Variants in PKHD1 observed in about 807,000 individuals in gnomAD.
PKHD1 encodes the protein fibrocystin.
In PKHD1, 291 loss-of-function variants were observed where a neutral mutation model predicts 412.0. The observed-to-expected ratio is 0.71, with a 90% CI of 0.64 to 0.78. The LOEUF is 0.78. Among genes scored for constraint, PKHD1 ranks in the 30% least tolerant of loss-of-function variants. The probability of loss-of-function intolerance (pLI) is 0.00; values close to 1 mark genes in which losing one functional copy is unlikely to be tolerated. For synonymous variants in PKHD1, 1,777 were observed against 1,821.5 expected (o/e 0.98, Z 0.62); for missense variants, 4,825 against 4,950.7 (o/e 0.97, Z 0.76).
At chr6:51,627,807 T>C (rs2771016) in intron 65 of PKHD1, among the ~76,000 whole-genome samples, 6,509 of 152,186 alleles carry the variant, frequency 0.043, 236 homozygotes, top group African/African-American at 0.093. Flanking sequence ...TTCAGTCTAT[T>C]CCTGGCTGAA....
intron 31 of PKHD1, among the ~76,000 whole-genome samples, chr6:52,026,743 A>G (rs947176304): frequency 7.2e-5 from 11 of 152,214 alleles, no homozygotes; most frequent in Admixed American, 5.9e-4. Flanking sequence ...AGACATTAAA[A>G]GTCATTGAAT....
At chr6:51,823,290 G>A (rs755552302) in intron 52 of PKHD1, among the ~76,000 whole-genome samples, 174 of 151,956 alleles carry the variant, frequency 1.1e-3, no homozygotes, top group Admixed American at 2.9e-3. Flanking sequence ...AATAAAACCC[G>A]AGTCTCTTAT....
intron 35 of PKHD1, among the ~76,000 whole-genome samples, chr6:52,006,353 T>TTTA (rs1799051422): frequency 7.2e-6 from 1 of 139,312 alleles, no homozygotes; most frequent in Admixed American, 7.7e-5. Flanking sequence ...TGGTTTGTTT[T>TTTA]TTGTTGTTGT....
Position 51,916,741 on chromosome 6 carries a change from C to T in PKHD1, c.6122-4165G>A, listed in dbSNP as rs138387533. Among the ~76,000 whole-genome samples, 397 of 152,248 alleles carry T rather than the reference C, an allele frequency of 2.6e-3. 3 individuals are homozygous for T. The highest frequency in any genetic ancestry group is 9.1e-3 in the African/African-American group (380 of 41,552). On this transcript the variant is annotated intron_variant, in intron 37 of 66. Coordinates refer to ENST00000371117, the MANE Select transcript of PKHD1 (RefSeq NM_138694.4). ...ATTGAAACCCAGGTTGGGTAGCTCC[C>T]TTCCTTTCTGTACCACAAATCAAAA...
chr6:51,936,033 G>A (rs935173949), intron 36 of PKHD1, among the ~76,000 whole-genome samples: 2 of 152,014 alleles, frequency 1.3e-5, no homozygotes, highest in Admixed American at 6.6e-5. Flanking sequence ...TATATTTACA[G>A]GTTTATTTTC....
At chr6:51,847,718 G>T in intron 50 of PKHD1, 57 bp downstream of exon 50, 1 of 1,193,142 alleles carries the variant, frequency 8.4e-7, no homozygotes. Flanking sequence ...GAATTGAAGG[G>T]TGATTGGTGA....
Position 51,789,081 on chromosome 6 carries a change from C to T in PKHD1, c.8440+2155G>A, listed in dbSNP as rs141994596. ...AGATCCCACCTGGGAATAGTTCTTT[C>T]TCCCTGGCTTTCAGAGGAATTAAAC... On this transcript the variant is annotated intron_variant, in intron 53 of 66. Transcript: ENST00000371117. Among the ~76,000 whole-genome samples the T allele has an allele frequency of 2.5e-3, 382 of 152,266 alleles. 4 individuals are homozygous for T. Among genetic ancestry groups the T allele is most frequent in the African/African-American group, 8.7e-3 (363 of 41,568 alleles).
chr6:51,927,663 G>C (rs1246332929), intron 37 of PKHD1, among the ~76,000 whole-genome samples: 1 of 152,194 alleles, frequency 6.6e-6, no homozygotes, highest in East Asian at 1.9e-4. Context: ...TCTTTTCCCA[G>C]GTGGAATGTC....
At chr6:51,712,140 C>T (rs544361778) in intron 60 of PKHD1, among the ~76,000 whole-genome samples, 36 of 152,320 alleles carry the variant, frequency 2.4e-4, no homozygotes, top group South Asian at 2.3e-3. Context: ...ATAATAAACT[C>T]TATCCTTTCC....
chr6:52,027,968 A>G, intron 30 of PKHD1, 72 bp from the exon 31 acceptor site: 1 of 1,294,756 alleles, frequency 7.7e-7, no homozygotes, highest in Non-Finnish European at 1.1e-6. Context: ...CAGAAGAGCC[A>G]TATGTATTTT....
Position 52,050,201 on chromosome 6 carries a change from G to C in PKHD1, c.2235C>G (p.Ser745=), listed in dbSNP as rs1329721007. ...VGSPPVYSVT[S]WLAGCGTELP... ...GCTCCGTGCCACACCCCGCCAGCCA[G>C]GAGGTGACACTGTAGACCGGAGGGG... Residue 745 remains serine, a synonymous_variant, in exon 22 of 67, where the codon TCC becomes TCG. Transcript: ENST00000371117. 1 of 1,614,220 alleles carries C rather than the reference G, an allele frequency of 6.2e-7. No individual in the cohort carries two copies. The highest frequency in any genetic ancestry group is 1.3e-5 in the African/African-American group (1 of 75,072).
At chr6:52,010,635 C>T (rs1190610831) in intron 34 of PKHD1, among the ~76,000 whole-genome samples, 176 bp from the exon 35 acceptor site, 1 of 151,746 alleles carries the variant, frequency 6.6e-6, no homozygotes, top group Non-Finnish European at 1.5e-5. Flanking sequence ...TTTGTTTTTC[C>T]TTTTATCTGC....
chr6:51,769,695 ATCT>A (rs1364321946), intron 55 of PKHD1, among the ~76,000 whole-genome samples: 5 of 102,098 alleles, frequency 4.9e-5, no homozygotes, highest in African/African-American at 1.1e-4. Context: ...TTGACAGTTA[ATCT>A]TCTTTGTTTA....
chr6:51,951,857 T>C (rs911451666), intron 36 of PKHD1, among the ~76,000 whole-genome samples: 5 of 152,156 alleles, frequency 3.3e-5, no homozygotes, highest in Admixed American at 6.5e-5. Context: ...CATGACCCTA[T>C]AAGCCATATT....
intron 37 of PKHD1, among the ~76,000 whole-genome samples, chr6:51,931,185 A>G (rs1786513851): frequency 6.6e-6 from 1 of 152,136 alleles, no homozygotes; most frequent in Non-Finnish European, 1.5e-5. Context: ...CCTGAGTCAC[A>G]TCACATGTAC....
rs1384412379 is a variant in PKHD1 at position 51,896,604 on chromosome 6, C to G, written c.6996+6993G>C. On this transcript the variant is annotated intron_variant, in intron 43 of 66. Transcript: ENST00000371117. ...AAACTGGAAACTCTAAAAAGCAGAG[C>G]ACCTCTCCTCCTCCAAAGGAACGCA... Among the ~76,000 whole-genome samples, 740 of 152,188 alleles carry G rather than the reference C, an allele frequency of 4.9e-3. 4 individuals carry two copies. The highest frequency in any genetic ancestry group is 0.017 in the African/African-American group (709 of 41,488).
chr6:52,069,615 A>T, intron 10 of PKHD1, 88 bp from the exon 11 acceptor site: 1 of 915,204 alleles, frequency 1.1e-6, no homozygotes. Context: ...GAAGATTGGG[A>T]ACTAACCTCT....
At chr6:51,895,945 C>T (rs563261424) in intron 43 of PKHD1, among the ~76,000 whole-genome samples, 212 of 152,296 alleles carry the variant, frequency 1.4e-3, no homozygotes, top group Middle Eastern at 0.014. Flanking sequence ...CACCCGAATA[C>T]TGCGCTTTTC....
At chr6:51,683,861 A>G (rs943912948) in intron 60 of PKHD1, among the ~76,000 whole-genome samples, 4 of 150,282 alleles carry the variant, frequency 2.7e-5, no homozygotes, top group African/African-American at 4.9e-5. Context: ...CGAGAGACAC[A>G]GTGTTTGCCT....
Sources: gnomAD v4.1 joint callset for allele counts (sites outside exome capture counted in the v4.1 genomes callset) on GRCh38, gnomAD v4.1.1 for gene constraint, MANE v1.5 for transcripts, NCBI Gene and HGNC (gene_info 2026-07-23, HGNC 2026-07-21) for gene names.